Variants in SMCO4 observed in about 807,000 individuals in gnomAD.
The protein encoded by SMCO4 is single-pass membrane and coiled-coil domain-containing protein 4.
A neutral mutation model predicts 3.6 loss-of-function variants in SMCO4; 4 were observed. The ratio of observed to expected loss-of-function variants is 1.11; its 90% CI spans 0.54 to 2.53. The LOEUF (loss-of-function observed/expected upper bound fraction) is 2.53. Ranked by LOEUF, SMCO4 falls within the 30% of genes most tolerant of loss-of-function variation. The probability of loss-of-function intolerance (pLI) is 0.02; values close to 1 mark genes in which losing one functional copy is unlikely to be tolerated. For synonymous variants in SMCO4, 36 were observed against 35.3 expected (o/e 1.02, Z -0.07); for missense variants, 70 against 80.8 (o/e 0.87, Z 0.51).
At chr11:93,541,050 C>T (rs1949267053) in intron 1 of SMCO4, among the ~76,000 whole-genome samples, 4 of 152,180 alleles carry the variant, frequency 2.6e-5, no homozygotes, top group Non-Finnish European at 5.9e-5. Context: ...TTGAAAGCTA[C>T]TAATGGACAA....
intron 1 of SMCO4, among the ~76,000 whole-genome samples, chr11:93,500,335 G>A (rs1313684302): frequency 6.6e-6 from 1 of 152,192 alleles, no homozygotes; most frequent in Non-Finnish European, 1.5e-5. Flanking sequence ...ACTGGCTGCT[G>A]TGCTGCCTTC....
intron 1 of SMCO4, among the ~76,000 whole-genome samples, chr11:93,506,312 T>C (rs1948901601): frequency 6.6e-6 from 1 of 152,244 alleles, no homozygotes; most frequent in African/African-American, 2.4e-5. Context: ...TATCTTCAAC[T>C]GTGTTGACAC....
chr11:93,509,701 G>A lies in SMCO4; in HGVS notation c.-153-10353C>T, dbSNP rs182095351. Among the ~76,000 whole-genome samples the A allele has an allele frequency of 8.1e-4, 124 of 152,306 alleles. 1 individual carries two copies. The highest frequency in any genetic ancestry group is 2.7e-3 in the African/African-American group (112 of 41,572). On this transcript the variant is annotated intron_variant, in intron 1 of 2. Coordinates refer to ENST00000298966, the MANE Select transcript of SMCO4 (RefSeq NM_020179.3). ...ACGGAACTGGAGATCATTATTCTAA[G>A]TGAAGTAACTCAGGAATGGAAAACC...
intron 1 of SMCO4, among the ~76,000 whole-genome samples, chr11:93,528,175 T>C (rs944505206): frequency 6.6e-6 from 1 of 152,138 alleles, no homozygotes; most frequent in Admixed American, 6.5e-5. Flanking sequence ...TAAAGTACTT[T>C]ATGGTCTTTT....
At chr11:93,528,807 A>G (rs945934986) in intron 1 of SMCO4, among the ~76,000 whole-genome samples, 12 of 152,236 alleles carry the variant, frequency 7.9e-5, no homozygotes, top group Non-Finnish European at 1.5e-4. Context: ...TTCCAGTACC[A>G]ATCTGGATAC....
At chr11:93,484,794 T>G (rs2134571837) in intron 2 of SMCO4, among the ~76,000 whole-genome samples, 1 of 152,150 alleles carries the variant, frequency 6.6e-6, no homozygotes, top group African/African-American at 2.4e-5. Flanking sequence ...GTTCAAAGGT[T>G]TGATGCGAGA....
At chr11:93,534,267 CAT>C (rs1375804618) in intron 1 of SMCO4, among the ~76,000 whole-genome samples, 4 of 143,806 alleles carry the variant, frequency 2.8e-5, no homozygotes, top group South Asian at 4.4e-4. Context: ...CACACAAACA[CAT>C]ATATATATAC....
In SMCO4 at chr11:93,517,365, T is replaced by C. The variant is rs536855251; in HGVS notation, c.-153-18017A>G. The stretch of plus-strand genomic sequence containing the variant: ...ATCAAGCACTTAATTGAGCCCTTGC[T>C]GTCTGGCAGGCACTATTCTAAGTGC... On this transcript the variant is annotated intron_variant, in intron 1 of 2. Transcript: ENST00000298966. Among the ~76,000 whole-genome samples, 11 of 152,356 alleles carry C rather than the reference T, an allele frequency of 7.2e-5. No homozygotes were observed. The South Asian group carries it at 2.1e-3, about 29-fold the overall frequency.
In SMCO4 at chr11:93,537,302, C is replaced by T. The variant is rs11822043; in HGVS notation, c.-154+5974G>A. On this transcript the variant is annotated intron_variant, in intron 1 of 2. Transcript: ENST00000298966. ...CCAAGACTGGCAGCCCTGAAGCCCA[C>T]GCATTTGAGTCCCTCCACTTCGGCA... Among the ~76,000 whole-genome samples, 1,514 of 152,268 alleles carry T rather than the reference C, an allele frequency of 9.9e-3. 32 individuals carry two copies. The highest frequency in any genetic ancestry group is 0.035 in the African/African-American group (1,458 of 41,554).
Position 93,534,213 on chromosome 11 carries a change from TATACACAC to T in SMCO4, c.-154+9055_-154+9062del, listed in dbSNP as rs1252575735. On this transcript the variant is annotated intron_variant, in intron 1 of 2. Coordinates refer to ENST00000298966, the MANE Select transcript of SMCO4 (RefSeq NM_020179.3). ...CTCAAAAAAAAAAAAAAAATATATA[TATACACAC>T]ACACACACACACACACACACACACA... Among the ~76,000 whole-genome samples the T allele has an allele frequency of 8.5e-4, 22 of 25,936 alleles. 1 individual carries two copies. Among genetic ancestry groups the T allele is most frequent in the Admixed American group, 6.5e-3 (20 of 3,062 alleles). The allele number at this position is 25,936 out of a possible 152,430, so 17.0% of individuals were successfully genotyped here.
At chr11:93,486,598 G>C (rs542802756) in intron 2 of SMCO4, among the ~76,000 whole-genome samples, 1 of 152,278 alleles carries the variant, frequency 6.6e-6, no homozygotes, top group African/African-American at 2.4e-5. Flanking sequence ...GTGTGGGCCA[G>C]GCTGCTCTGA....
chr11:93,531,158 T>A (rs6483250), intron 1 of SMCO4, among the ~76,000 whole-genome samples: 9,790 of 152,262 alleles, frequency 0.064, 681 homozygotes, highest in African/African-American at 0.17. Flanking sequence ...CCTTCCCTCA[T>A]CTGGGTGGAC....
At chr11:93,517,843 C>T (rs775756389) in intron 1 of SMCO4, among the ~76,000 whole-genome samples, 1 of 152,210 alleles carries the variant, frequency 6.6e-6, no homozygotes, top group Non-Finnish European at 1.5e-5. Context: ...TTCTCCTACC[C>T]GCATTGAAGT....
chr11:93,504,521 T>C (rs1374344011), intron 1 of SMCO4, among the ~76,000 whole-genome samples: 2 of 152,226 alleles, frequency 1.3e-5, no homozygotes, highest in Non-Finnish European at 2.9e-5. Flanking sequence ...CACCAGTTAA[T>C]AAACATGTAA....
At chr11:93,497,144 T>A (rs1255041419) in intron 2 of SMCO4, among the ~76,000 whole-genome samples, 2 of 152,154 alleles carry the variant, frequency 1.3e-5, no homozygotes, top group African/African-American at 4.8e-5. Flanking sequence ...CATTTCCCCA[T>A]CAAAGGACAA....
chr11:93,482,260 A>G (rs1948600443), intron 2 of SMCO4, among the ~76,000 whole-genome samples: 1 of 152,224 alleles, frequency 6.6e-6, no homozygotes, highest in Non-Finnish European at 1.5e-5. Context: ...CAACCAGGAA[A>G]AAAGCTGGGA....
At chr11:93,523,023 A>G (rs907093962) in intron 1 of SMCO4, among the ~76,000 whole-genome samples, 1 of 152,228 alleles carries the variant, frequency 6.6e-6, no homozygotes, top group African/African-American at 2.4e-5. Context: ...CAAAAATTGC[A>G]GGTCACTTTG....
intron 1 of SMCO4, among the ~76,000 whole-genome samples, chr11:93,542,884 CG>C (rs984149480): frequency 1.3e-5 from 2 of 152,236 alleles, no homozygotes; most frequent in African/African-American, 4.8e-5. Flanking sequence ...GGGGCCCTCC[CG>C]GCCGCCCCGG....
intron 1 of SMCO4, among the ~76,000 whole-genome samples, chr11:93,525,640 A>G (rs1591324075): frequency 6.6e-6 from 1 of 152,264 alleles, no homozygotes; most frequent in Non-Finnish European, 1.5e-5. Flanking sequence ...CCCTACGACC[A>G]ACCAGAGAGT....
Sources: gnomAD v4.1 joint callset for allele counts (sites outside exome capture counted in the v4.1 genomes callset) on GRCh38, gnomAD v4.1.1 for gene constraint, MANE v1.5 for transcripts, NCBI Gene and HGNC (gene_info 2026-07-23, HGNC 2026-07-21) for gene names.